Variants in SHC4 observed in about 807,000 individuals in gnomAD.
SHC4 encodes the protein SHC-transforming protein 4.
A neutral mutation model predicts 69.4 loss-of-function variants in SHC4; 41 were observed. The observed-to-expected ratio is 0.59, with a 90% confidence interval of 0.46 to 0.77. The LOEUF is 0.77. SHC4 is among the 30% of genes least tolerant of loss of function. The probability of loss-of-function intolerance (pLI) is 0.00; values close to 1 mark genes in which losing one functional copy is unlikely to be tolerated. For synonymous variants in SHC4, 318 were observed against 299.3 expected (o/e 1.06, Z -0.64); for missense variants, 777 against 783.8 (o/e 0.99, Z 0.10).
Position 48,851,214 on chromosome 15 carries a change from T to C in SHC4, c.1277A>G (p.Asn426Ser). 2 of 1,614,066 alleles carry C rather than the reference T, an allele frequency of 1.2e-6. No individual in the cohort carries two copies. The highest frequency in any genetic ancestry group is 8.5e-7 in the Non-Finnish European group (1 of 1,179,958). The change falls in exon 9 of 12, where the codon AAC becomes AGC. Residue 426 changes from asparagine to serine, a missense_variant. Transcript: ENST00000332408. Reference sequence around the variant, plus strand: ...TATTGCCCTGCTTTGTTCTAAACAGTTCTCATATACACTGCTGCACTTGGA... The same window carrying C: ...TATTGCCCTGCTTTGTTCTAAACAGCTCTCATATACACTGCTGCACTTGGA... ...GNSKCSSVYE[N>S]CLEQSRAIGN...
intron 10 of SHC4, among the ~76,000 whole-genome samples, chr15:48,836,013 A>AC: frequency 8.5e-6 from 1 of 118,082 alleles, no homozygotes. Context: ...TCCTGTCTCT[A>AC]CAAAAAATCC....
In SHC4 at chr15:48,843,667, T is replaced by C; in HGVS notation, c.1304-79A>G. The stretch of plus-strand genomic sequence containing the variant: ...ATAAAATCATGTTTGAGTCTAGAAT[T>C]GATAGAAACCTAAAGGCCATGCCCC... On this transcript the variant is annotated intron_variant, in intron 9 of 11. Coordinates refer to ENST00000332408, the MANE Select transcript of SHC4 (RefSeq NM_203349.4). 2.2e-6 allele frequency: 3 copies of C among 1,385,662 alleles called. No homozygotes were observed. In the South Asian group the frequency reaches 4.3e-5, roughly 20 times the overall value. The allele number at this position is 1,385,662 out of a possible 1,614,324, so 85.8% of individuals were successfully genotyped here.
At chr15:48,938,999 T>A (rs1016957793) in intron 1 of SHC4, among the ~76,000 whole-genome samples, 6 of 152,202 alleles carry the variant, frequency 3.9e-5, no homozygotes, top group Non-Finnish European at 7.3e-5. Flanking sequence ...ATAGTTTATG[T>A]GTTTCATAGG....
At position 48,857,732 on chromosome 15, in the gene SHC4, G is replaced by A. The variant is rs1663656226; in HGVS notation, c.1030C>T (p.Gln344Ter). The A allele has an allele frequency of 6.2e-7, 1 of 1,606,024 alleles. No individual in the cohort carries two copies. The highest frequency in any genetic ancestry group is 1.3e-5 in the African/African-American group (1 of 74,722). Residue 344 changes from glutamine (Q) to a stop codon, truncating the protein, a stop_gained, in exon 7 of 12, where the codon CAG (glutamine) becomes TAG (stop). Coordinates refer to ENST00000332408, the MANE Select transcript of SHC4 (RefSeq NM_203349.4). LOFTEE classifies it high-confidence loss of function. ...TTCAAAGAAGGATTTTTCAAGTACT[G>A]TTTAAACCGGAGTTCAAAAGCCTGC... ...IGQAFELRFK[Q>*]YLKNPSLNTS...
At chr15:48,954,956 G>A (rs1294806774) in intron 1 of SHC4, among the ~76,000 whole-genome samples, 1 of 152,158 alleles carries the variant, frequency 6.6e-6, no homozygotes, top group Admixed American at 6.6e-5. Context: ...AAGAACTGCT[G>A]TACAAATTAA....
At chr15:48,885,496 T>C (rs1815538202) in intron 3 of SHC4, among the ~76,000 whole-genome samples, 1 of 152,190 alleles carries the variant, frequency 6.6e-6, no homozygotes. Context: ...TTTGAGAGAT[T>C]TGAATGCTTT....
At chr15:48,866,666 C>T (rs1048451991) in intron 6 of SHC4, among the ~76,000 whole-genome samples, 4 of 152,206 alleles carry the variant, frequency 2.6e-5, no homozygotes, top group Non-Finnish European at 5.9e-5. Context: ...GCCTTTTACG[C>T]TTTTACATTG....
intron 2 of SHC4, among the ~76,000 whole-genome samples, chr15:48,921,356 T>A (rs1900750582): frequency 6.7e-6 from 1 of 149,338 alleles, no homozygotes. Context: ...TCCTTTGAGA[T>A]GGAGTTTTGC....
At chr15:48,946,427 C>T (rs1322827489) in intron 1 of SHC4, 1 of 327,742 alleles carries the variant, frequency 3.1e-6, no homozygotes, top group Non-Finnish European at 4.4e-6. Context: ...GGGCCTCCCA[C>T]AGCAATGCCC....
chr15:48,871,234 C>T (rs1403629232), intron 5 of SHC4, among the ~76,000 whole-genome samples: 1 of 152,120 alleles, frequency 6.6e-6, no homozygotes, highest in African/African-American at 2.4e-5. Context: ...GTGTATGTTC[C>T]CCCTGCTTTC....
intron 8 of SHC4, among the ~76,000 whole-genome samples, chr15:48,854,132 A>AC (rs1899267074): frequency 6.6e-6 from 1 of 152,200 alleles, no homozygotes; most frequent in Non-Finnish European, 1.5e-5. Context: ...CAAGCAAAAA[A>AC]CAACCCCATT....
intron 9 of SHC4, 54 bp downstream of exon 9, chr15:48,851,134 T>C (rs1403785925): frequency 1.2e-5 from 19 of 1,559,462 alleles, no homozygotes; most frequent in South Asian, 2.2e-5. Flanking sequence ...CATATGTCCA[T>C]AGGACTTACA....
chr15:48,843,716 T>A, intron 9 of SHC4, 128 bp from the exon 10 acceptor site: 1 of 819,746 alleles, frequency 1.2e-6, no homozygotes, highest in Non-Finnish European at 1.8e-6. Flanking sequence ...ATTGAACACT[T>A]AACTTTTAGG....
At chr15:48,962,395 G>A in intron 1 of SHC4, 36 bp downstream of exon 1, 1 of 1,508,686 alleles carries the variant, frequency 6.6e-7, no homozygotes, top group Non-Finnish European at 8.9e-7. Context: ...CCCTTCCACG[G>A]AAGTTCTTAG....
At chr15:48,890,924 G>T in intron 2 of SHC4, 113 bp from the exon 3 acceptor site, 2 of 1,091,050 alleles carry the variant, frequency 1.8e-6, no homozygotes, top group South Asian at 1.3e-5. Flanking sequence ...ATAATAGTGA[G>T]TCTAACACAA....
chr15:48,939,600 G>A (rs923156740), intron 1 of SHC4, among the ~76,000 whole-genome samples: 1 of 152,134 alleles, frequency 6.6e-6, no homozygotes, highest in Non-Finnish European at 1.5e-5. Context: ...CACAATATGT[G>A]ACACACAGTA....
intron 1 of SHC4, among the ~76,000 whole-genome samples, chr15:48,949,370 CA>C (rs751634978): frequency 0.019 from 1,232 of 64,038 alleles, 4 homozygotes; most frequent in Admixed American, 0.033. Flanking sequence ...GACTCCGTCT[CA>C]AAAAAAAAAA....
At chr15:48,874,991 G>A (rs998889756) in intron 4 of SHC4, among the ~76,000 whole-genome samples, 1 of 152,180 alleles carries the variant, frequency 6.6e-6, no homozygotes, top group Non-Finnish European at 1.5e-5. Flanking sequence ...TAGCCAAAAT[G>A]AGTAAAAAAC....
At chr15:48,917,170 T>C (rs552462142) in intron 2 of SHC4, among the ~76,000 whole-genome samples, 35 of 151,926 alleles carry the variant, frequency 2.3e-4, no homozygotes, top group Admixed American at 6.6e-4. Flanking sequence ...GAAGATTTTT[T>C]TTCTTCTTTA....
Sources: allele counts gnomAD v4.1 joint callset (sites outside exome capture counted in the v4.1 genomes callset), GRCh38; gene constraint gnomAD v4.1.1; transcripts MANE v1.5; gene names NCBI Gene and HGNC (gene_info 2026-07-23, HGNC 2026-07-21).